The following RARG variants were observed in gnomAD, a reference collection of about 807,000 sequenced individuals.
The protein encoded by RARG is retinoic acid receptor gamma.
Under a neutral mutation model 43.7 loss-of-function variants are expected in RARG, and 17 were observed. The ratio of observed to expected loss-of-function variants is 0.39; its 90% CI spans 0.27 to 0.58. RARG has a LOEUF of 0.58. Among genes scored for constraint, RARG ranks in the 20% least tolerant of loss-of-function variants. The pLI is 0.57. For missense variants in RARG, 346 were observed against 598.7 expected (o/e 0.58, Z 4.40); for synonymous variants, 238 against 236.4 (o/e 1.01, Z -0.06).
intron 7 of RARG, 26 bp downstream of exon 7, chr12:53,214,033 G>A (rs761785714): frequency 6.3e-7 from 1 of 1,590,654 alleles, no homozygotes; most frequent in Non-Finnish European, 8.6e-7. Context: ...GTCGGGCTGT[G>A]GCAGGACCCA....
rs1942747062 is a variant in RARG at position 53,215,875 on chromosome 12, G to A, written c.185-81C>T. The stretch of plus-strand genomic sequence containing the variant: ...GGCTTCCTCATCACACACACCCCAT[G>A]TGCATTTGTTCCTTGGCCCACTGGT... On this transcript the variant is annotated intron_variant, in intron 3 of 9. Coordinates refer to ENST00000425354, the MANE Select transcript of RARG (RefSeq NM_000966.6). The surrounding 1 kb of genome is among the most constrained non-coding windows in gnomAD (Gnocchi z 6.4). The A allele has an allele frequency of 1.4e-6, 2 of 1,421,210 alleles. No individual in the cohort carries two copies. The highest frequency in any genetic ancestry group is 9.4e-7 in the Non-Finnish European group (1 of 1,065,830). The allele number at this position is 1,421,210 out of a possible 1,614,324, so 88.0% of individuals were successfully genotyped here.
intron 3 of RARG, among the ~76,000 whole-genome samples, chr12:53,221,159 TC>T (rs1942949719): frequency 1.3e-5 from 1 of 79,180 alleles, no homozygotes; most frequent in Admixed American, 1.6e-4. Context: ...TGCCGCGGAG[TC>T]CCCCCGCCCC....
At chr12:53,228,496 T>G (rs1351305776) in intron 2 of RARG, among the ~76,000 whole-genome samples, 1 of 152,202 alleles carries the variant, frequency 6.6e-6, no homozygotes, top group South Asian at 2.1e-4. Flanking sequence ...AGCACTTCCC[T>G]CTCTGTTTTC....
intron 3 of RARG, among the ~76,000 whole-genome samples, chr12:53,223,086 G>A (rs1943016470): frequency 6.6e-6 from 1 of 152,126 alleles, no homozygotes; most frequent in African/African-American, 2.4e-5. Context: ...TAGAGTCCCT[G>A]CCACCCTGGC....
chr12:53,213,810 G>A lies in RARG; in HGVS notation c.814-110C>T, dbSNP rs1321368661. 8.0e-7 allele frequency: 1 copy of A among 1,252,430 alleles called. No individual in the cohort carries two copies. Among genetic ancestry groups the A allele is most frequent in the African/African-American group, 1.5e-5 (1 of 67,222 alleles). 77.6% of individuals were successfully genotyped at this position (1,252,430 alleles called of 1,614,324 possible). A position where few individuals can be genotyped will look rare whatever the true frequency, so the allele number is the denominator to read the frequency against. ...TCCCCAGTGAGTGCAACCTGAAGCA[G>A]GCATGGAGAAGGCAGAGGTGGAGGA... On this transcript the variant is annotated intron_variant, in intron 7 of 9. Coordinates refer to ENST00000425354, the MANE Select transcript of RARG (RefSeq NM_000966.6). The surrounding 1 kb of genome is among the most constrained non-coding windows in gnomAD (Gnocchi z 4.7).
intron 3 of RARG, among the ~76,000 whole-genome samples, chr12:53,226,217 T>C (rs1943104090): frequency 6.6e-6 from 1 of 151,210 alleles, no homozygotes; most frequent in Non-Finnish European, 1.5e-5. Flanking sequence ...CAACCTTCGC[T>C]TCTGGGTTCA....
At chr12:53,228,794 G>A (rs1010144484) in intron 2 of RARG, among the ~76,000 whole-genome samples, 6 of 152,008 alleles carry the variant, frequency 3.9e-5, no homozygotes, top group African/African-American at 1.2e-4. Flanking sequence ...GGCTGGTCTC[G>A]AACTCCCAAC....
intron 9 of RARG, among the ~76,000 whole-genome samples, chr12:53,212,731 TATATATACACACACACACACAC>T (rs1412398100): frequency 1.6e-5 from 2 of 125,558 alleles, no homozygotes; most frequent in South Asian, 2.8e-4. Context: ...TCTCTAAATA[TATATATACACACACACACACAC>T]ACACACACAC....
rs1253377836 is a variant in RARG, at chr12:53,215,100, G to A, written c.475+193C>T. On this transcript the variant is annotated intron_variant, in intron 5 of 9. Transcript: ENST00000425354. The surrounding 1 kb of genome is among the most constrained non-coding windows in gnomAD (Gnocchi z 6.4). ...TCAGAGGAAGAGTCAAGCTCCCTGA[G>A]AGGGAGAATGGGAAATGGTGGGGCC... Among the ~76,000 whole-genome samples, 2 of 152,208 alleles carry A rather than the reference G, an allele frequency of 1.3e-5. No individual in the cohort carries two copies. Among genetic ancestry groups the A allele is most frequent in the African/African-American group, 4.8e-5 (2 of 41,440 alleles).
intron 3 of RARG, chr12:53,220,402 G>T: frequency 4.7e-5 from 7 of 149,178 alleles, no homozygotes; most frequent in Non-Finnish European, 6.8e-5. Context: ...GAGGGGTGGG[G>T]GGTGGGGCTT....
intron 3 of RARG, chr12:53,220,148 C>G (rs763752692): frequency 6.5e-7 from 1 of 1,549,894 alleles, no homozygotes; most frequent in East Asian, 2.4e-5. Flanking sequence ...ACCAAGGACC[C>G]GCAGCCGATT....
At chr12:53,217,535 G>A (rs147270254) in intron 3 of RARG, among the ~76,000 whole-genome samples, 24 of 152,346 alleles carry the variant, frequency 1.6e-4, no homozygotes, top group African/African-American at 5.8e-4. Context: ...TAGGGAGACA[G>A]GCCCGGGGGC....
intron 3 of RARG, among the ~76,000 whole-genome samples, chr12:53,223,958 A>G (rs758167855): frequency 6.6e-6 from 1 of 152,106 alleles, no homozygotes; most frequent in Non-Finnish European, 1.5e-5. Flanking sequence ...GACCACAGCT[A>G]TCTGCTCAGG....
At chr12:53,221,539 C>T (rs531061143) in intron 3 of RARG, among the ~76,000 whole-genome samples, 4 of 152,328 alleles carry the variant, frequency 2.6e-5, no homozygotes, top group Admixed American at 1.3e-4. Context: ...CGGTTAGTGC[C>T]CCTCAGCTCT....
rs1942680377 is a variant in RARG, at chr12:53,213,867, TCAGGAGGAGA to T, written c.814-177_814-168del. The T allele has an allele frequency of 2.8e-6, 3 of 1,068,608 alleles. No homozygotes were observed. The highest frequency in any genetic ancestry group is 2.8e-4 in the Middle Eastern group (1 of 3,628). The allele number at this position is 1,068,608 out of a possible 1,614,324, so 66.2% of individuals were successfully genotyped here. On this transcript the variant is annotated intron_variant, in intron 7 of 9. Transcript: ENST00000425354. This position sits in a 1 kb window ranked among gnomAD's most constrained non-coding sequence, Gnocchi z 4.7. ...GCTTGGCAGGGGTAGTCCCGGGAAG[TCAGGAGGAGA>T]CAGGGCATCCAAAAGTCTAGGATCA...
chr12:53,213,685 T>C lies in RARG; in HGVS notation c.829A>G (p.Thr277Ala). 1 of 1,612,150 alleles carries C rather than the reference T, an allele frequency of 6.2e-7. No individual in the cohort carries two copies. Among genetic ancestry groups the C allele is most frequent in the Non-Finnish European group, 8.5e-7 (1 of 1,179,050 alleles). Residue 277 changes from threonine (T) to alanine (A), a missense_variant, in exon 8 of 10, where the codon ACA becomes GCA. By Grantham distance (58) the Thr-to-Ala change is moderately conservative. Transcript: ENST00000425354. This position sits in a 1 kb window ranked among gnomAD's most constrained non-coding sequence, Gnocchi z 4.7. ...CLDILMLRICTRYTPEQDTMT... is the reference protein window; with the variant it reads ...CLDILMLRICARYTPEQDTMT... ...GTGTCCTGCTCTGGGGTGTACCTTGTGCAGATACGCAGCATCTGGAGGTGG... is the reference window on the plus strand; with the variant it reads ...GTGTCCTGCTCTGGGGTGTACCTTGCGCAGATACGCAGCATCTGGAGGTGG...
intron 3 of RARG, among the ~76,000 whole-genome samples, chr12:53,222,445 AC>A (rs1263376171): frequency 2.6e-5 from 4 of 151,304 alleles, no homozygotes; most frequent in South Asian, 2.1e-4. Context: ...AGCTGTCAGT[AC>A]CCCCCTTCCC....
chr12:53,220,180 C>T (rs1217561556), intron 3 of RARG: 4 of 1,549,078 alleles, frequency 2.6e-6, no homozygotes, highest in Admixed American at 3.9e-5. Context: ...CCCGGCGGCG[C>T]CCCGCTCCAG....
At chr12:53,231,258 A>C (rs1187215141) in intron 1 of RARG, 23 bp from the exon 2 acceptor site, 1 of 152,272 alleles carries the variant, frequency 6.6e-6, no homozygotes, top group African/African-American at 2.4e-5. Context: ...AGGCAGCGTC[A>C]GTGGAACTCT....
Sources: allele counts gnomAD v4.1 joint callset (sites outside exome capture counted in the v4.1 genomes callset), GRCh38; gene constraint gnomAD v4.1.1; non-coding constraint Gnocchi (gnomAD v3.1); transcripts MANE v1.5; gene names NCBI Gene and HGNC (gene_info 2026-07-23, HGNC 2026-07-21).